CGGBP1: variants seen among roughly 807,000 people sequenced by gnomAD.
The protein encoded by CGGBP1 is CGG triplet repeat binding protein 1, also known as CGG triplet repeat-binding protein 1.
CGGBP1 carries 4 observed loss-of-function variants against 11.4 expected under a neutral mutation model. The ratio of observed to expected loss-of-function variants is 0.35; its 90% CI spans 0.17 to 0.80. The LOEUF (loss-of-function observed/expected upper bound fraction) is 0.80, where lower values mean the gene tolerates loss of function less well. Among genes scored for constraint, CGGBP1 ranks in the 30% least tolerant of loss-of-function variants. The probability of loss-of-function intolerance (pLI) is 0.52; values close to 1 mark genes in which losing one functional copy is unlikely to be tolerated. For missense variants in CGGBP1, 135 were observed against 202.1 expected (o/e 0.67, Z 2.01); for synonymous variants, 76 against 74.1 (o/e 1.03, Z -0.13).
intron 2 of CGGBP1, chr3:88,113,198 T>TA (rs1450511219): frequency 6.6e-7 from 1 of 1,525,616 alleles, no homozygotes. Flanking sequence ...TCATTCCAGG[T>TA]AAAAAACAGT....
At chr3:88,116,559 T>TACACACACACACACACAC (rs140401038) in intron 2 of CGGBP1, among the ~76,000 whole-genome samples, 36 of 146,654 alleles carry the variant, frequency 2.5e-4, no homozygotes, top group African/African-American at 8.3e-4. Context: ...CATACATATA[T>TACACACACACACACACAC]ATACACACAC....
intron 2 of CGGBP1, among the ~76,000 whole-genome samples, chr3:88,106,605 A>AGT (rs1308648706): frequency 6.6e-6 from 1 of 152,106 alleles, no homozygotes; most frequent in African/African-American, 2.4e-5. Context: ...GGCCTCCCAG[A>AGT]GTGCTGGGAT....
chr3:88,088,636 G>A (rs180997453), intron 2 of CGGBP1, among the ~76,000 whole-genome samples: 59 of 152,272 alleles, frequency 3.9e-4, no homozygotes, highest in Middle Eastern at 3.4e-3. Context: ...TACACTGTGC[G>A]TCTTTAAAAA....
intron 2 of CGGBP1, chr3:88,140,755 A>G: frequency 6.2e-7 from 1 of 1,613,706 alleles, no homozygotes; most frequent in Non-Finnish European, 8.5e-7. Flanking sequence ...GCACCTTCCA[A>G]ACCAAATCTG....
chr3:88,093,387 G>A (rs1240298282), intron 2 of CGGBP1, among the ~76,000 whole-genome samples: 1 of 152,168 alleles, frequency 6.6e-6, no homozygotes, highest in Non-Finnish European at 1.5e-5. Context: ...GAAAGTAAAT[G>A]TTCATAGATT....
At chr3:88,115,309 T>G (rs1301012430) in intron 2 of CGGBP1, among the ~76,000 whole-genome samples, 1 of 152,224 alleles carries the variant, frequency 6.6e-6, no homozygotes, top group Admixed American at 6.5e-5. Context: ...ACTGTGAGTT[T>G]ACCAGCTTTG....
At chr3:88,069,432 A>G (rs369682806) in intron 2 of CGGBP1, among the ~76,000 whole-genome samples, 22 of 152,170 alleles carry the variant, frequency 1.4e-4, no homozygotes, top group African/African-American at 4.8e-4. Flanking sequence ...AAAAAAAAAG[A>G]AAGTGATTCT....
At chr3:88,116,364 T>C (rs1012694319) in intron 2 of CGGBP1, among the ~76,000 whole-genome samples, 2 of 151,596 alleles carry the variant, frequency 1.3e-5, no homozygotes, top group Non-Finnish European at 2.9e-5. Context: ...CTACTAAAAA[T>C]ACAAAATTAG....
intron 1 of CGGBP1, chr3:88,144,455 T>A (rs1321660428): frequency 6.6e-6 from 1 of 152,420 alleles, no homozygotes; most frequent in Non-Finnish European, 1.5e-5. Context: ...ATTTTGGAGT[T>A]GTTAATATGT....
chr3:88,100,005 A>G (rs1704312376), intron 2 of CGGBP1, among the ~76,000 whole-genome samples: 1 of 152,250 alleles, frequency 6.6e-6, no homozygotes, highest in African/African-American at 2.4e-5. Context: ...GCTTCTGCAC[A>G]GCAAAAGAAA....
intron 2 of CGGBP1, among the ~76,000 whole-genome samples, chr3:88,131,039 C>G (rs1706427667): frequency 6.6e-6 from 1 of 152,016 alleles, no homozygotes; most frequent in East Asian, 1.9e-4. Flanking sequence ...TGTCAATAGG[C>G]AGTTTCCTTG....
intron 2 of CGGBP1, chr3:88,086,242 T>A: frequency 6.5e-7 from 1 of 1,529,860 alleles, no homozygotes; most frequent in Non-Finnish European, 8.7e-7. Flanking sequence ...AATGTCTGGA[T>A]TGCTTCTCTG....
chr3:88,129,350 A>G (rs1360260251), intron 2 of CGGBP1, among the ~76,000 whole-genome samples: 2 of 150,578 alleles, frequency 1.3e-5, no homozygotes, highest in African/African-American at 2.4e-5. Context: ...AAAAAACCCA[A>G]GAAGCATTAT....
intron 2 of CGGBP1, chr3:88,113,334 A>G (rs1266966513): frequency 6.2e-6 from 3 of 483,464 alleles, no homozygotes; most frequent in African/African-American, 2.0e-5. Flanking sequence ...AGATCCTATT[A>G]TTACTGGCTG....
intron 2 of CGGBP1, among the ~76,000 whole-genome samples, chr3:88,065,998 T>G (rs1037849185): frequency 2.6e-5 from 4 of 152,204 alleles, no homozygotes; most frequent in African/African-American, 9.7e-5. Context: ...CCTCCCATGA[T>G]GCTAGGATTA....
chr3:88,110,125 C>G (rs963750110), intron 2 of CGGBP1, among the ~76,000 whole-genome samples: 6 of 152,100 alleles, frequency 3.9e-5, no homozygotes, highest in African/African-American at 1.2e-4. Flanking sequence ...TACCTATGCA[C>G]TAAGTGCCAG....
chr3:88,066,054 A>C (rs563333692), intron 2 of CGGBP1, among the ~76,000 whole-genome samples: 2 of 152,318 alleles, frequency 1.3e-5, no homozygotes, highest in South Asian at 4.1e-4. Context: ...TATTTTGTAC[A>C]AATAGATACA....
chr3:88,146,407 A>G (rs1707313583), intron 1 of CGGBP1, among the ~76,000 whole-genome samples: 1 of 152,204 alleles, frequency 6.6e-6, no homozygotes, highest in Non-Finnish European at 1.5e-5. Flanking sequence ...CTTTAGTAGT[A>G]AGATCTAATA....
At chr3:88,084,838 G>A (rs1169551421) in intron 2 of CGGBP1, among the ~76,000 whole-genome samples, 1 of 152,182 alleles carries the variant, frequency 6.6e-6, no homozygotes, top group Non-Finnish European at 1.5e-5. Flanking sequence ...TGACATGGTA[G>A]CCCAAGTGGA....
Sources: gnomAD v4.1 joint callset for allele counts (sites outside exome capture counted in the v4.1 genomes callset) on GRCh38, gnomAD v4.1.1 for gene constraint, MANE v1.5 for transcripts, NCBI Gene and HGNC (gene_info 2026-07-23, HGNC 2026-07-21) for gene names.